Variants in ZNRF3 observed in about 807,000 individuals in gnomAD.
The protein encoded by ZNRF3 is E3 ubiquitin-protein ligase ZNRF3.
In ZNRF3, 23 loss-of-function variants were observed where a neutral mutation model predicts 72.5. That is an observed-to-expected ratio of 0.32 (90% CI 0.23 to 0.45). The LOEUF (loss-of-function observed/expected upper bound fraction) is 0.45. ZNRF3 is among the 20% of genes least tolerant of loss of function. The pLI is 1.00. For synonymous variants in ZNRF3, 610 were observed against 545.3 expected (o/e 1.12, Z -1.65); for missense variants, 1,169 against 1,272.1 (o/e 0.92, Z 1.23).
At chr22:28,996,325 T>C (rs1439054949) in intron 2 of ZNRF3, among the ~76,000 whole-genome samples, 2 of 152,252 alleles carry the variant, frequency 1.3e-5, no homozygotes, top group South Asian at 2.1e-4. Context: ...AGGGACATCA[T>C]TGTGTGTAGT....
At position 28,958,657 on chromosome 22, in the gene ZNRF3, A is replaced by G. The variant is rs183127898; in HGVS notation, c.301-28419A>G. On this transcript the variant is annotated intron_variant, in intron 1 of 8. Transcript: ENST00000544604. ...TTGCCACTGACGGAGAGAGGGTATA[A>G]GAGTGGCCCTTTTGGAGTACAGAGG... Among the ~76,000 whole-genome samples the G allele has an allele frequency of 2.1e-3, 322 of 152,270 alleles. 2 individuals carry two copies. The highest frequency in any genetic ancestry group is 7.4e-3 in the African/African-American group (308 of 41,556).
At chr22:28,899,753 G>A (rs2034069924) in intron 1 of ZNRF3, among the ~76,000 whole-genome samples, 1 of 139,758 alleles carries the variant, frequency 7.2e-6, no homozygotes, top group South Asian at 2.3e-4. Context: ...GCAGTGGTAT[G>A]ATCTTGGCTC....
chr22:28,991,516 A>AG (rs1439904996), intron 2 of ZNRF3, among the ~76,000 whole-genome samples: 4 of 151,992 alleles, frequency 2.6e-5, no homozygotes, highest in Admixed American at 2.6e-4. Flanking sequence ...GTGTCATTGT[A>AG]GTGGGGGCTC....
chr22:28,884,086 G>GT lies in ZNRF3; in HGVS notation c.300+20_300+21insT. 8.7e-7 allele frequency: 1 copy of GT among 1,144,538 alleles called. No individual in the cohort carries two copies. The highest frequency in any genetic ancestry group is 4.0e-5 in the Admixed American group (1 of 25,042). 70.9% of individuals were successfully genotyped at this position (1,144,538 alleles called of 1,614,324 possible). On this transcript the variant is annotated intron_variant, in intron 1 of 8. Transcript: ENST00000544604. ...GTGCAGGTAGCTGCCCGCCGCCCGG[G>GT]CCCCGCGCCGCCTCCGCCACAAGAT... is the stretch of plus-strand genomic sequence containing the variant.
intron 1 of ZNRF3, among the ~76,000 whole-genome samples, chr22:28,908,133 C>A (rs1006376386): frequency 6.6e-6 from 1 of 152,226 alleles, no homozygotes; most frequent in East Asian, 1.9e-4. Context: ...CACATTAAAA[C>A]TAGCTTCTGT....
intron 1 of ZNRF3, among the ~76,000 whole-genome samples, chr22:28,894,714 CAGTT>C (rs1394091333): frequency 4.6e-5 from 7 of 152,144 alleles, no homozygotes; most frequent in African/African-American, 1.2e-4. Flanking sequence ...GTGACACTGT[CAGTT>C]GGTGGTGGGC....
At chr22:28,917,315 A>C in intron 1 of ZNRF3, 3 of 373,220 alleles carry the variant, frequency 8.0e-6, no homozygotes, top group Non-Finnish European at 1.1e-5. Context: ...GACACTAGGT[A>C]TGTGTGCTCT....
At chr22:29,031,212 G>A (rs12485244) in intron 2 of ZNRF3, 64,719 of 152,072 alleles carry the variant, frequency 0.43, 14,283 homozygotes, top group Non-Finnish European at 0.48. Context: ...AAAGAAACCA[G>A]ATATTTTTTT....
At chr22:29,017,267 C>G (rs921224800) in intron 2 of ZNRF3, among the ~76,000 whole-genome samples, 1 of 152,202 alleles carries the variant, frequency 6.6e-6, no homozygotes, top group African/African-American at 2.4e-5. Flanking sequence ...TCCCATTTCT[C>G]CTGGTAAAGG....
chr22:29,011,660 C>T (rs1191024297), intron 2 of ZNRF3, among the ~76,000 whole-genome samples: 1 of 152,204 alleles, frequency 6.6e-6, no homozygotes, highest in Non-Finnish European at 1.5e-5. Flanking sequence ...AAACAATATG[C>T]AGGCAGCTCT....
At chr22:28,897,461 C>G (rs1166867248) in intron 1 of ZNRF3, among the ~76,000 whole-genome samples, 1 of 152,228 alleles carries the variant, frequency 6.6e-6, no homozygotes, top group Non-Finnish European at 1.5e-5. Context: ...GCTGGGACCA[C>G]AGAAATGCGC....
chr22:29,019,088 A>T (rs1271160981), intron 2 of ZNRF3, among the ~76,000 whole-genome samples: 1 of 151,852 alleles, frequency 6.6e-6, no homozygotes, highest in Non-Finnish European at 1.5e-5. Flanking sequence ...CAGGCTTCTT[A>T]CATGATAGTT....
intron 2 of ZNRF3, among the ~76,000 whole-genome samples, chr22:29,004,982 G>C (rs904924555): frequency 9.2e-5 from 14 of 152,238 alleles, no homozygotes; most frequent in African/African-American, 4.8e-5. Context: ...CTGCCAGCCA[G>C]GGACTGCCTG....
chr22:28,912,662 C>CTTTTTT (rs138371253), intron 1 of ZNRF3, among the ~76,000 whole-genome samples: 1 of 119,546 alleles, frequency 8.4e-6, no homozygotes, highest in African/African-American at 2.9e-5. Flanking sequence ...TCTTTTCTTT[C>CTTTTTT]TTTTTTTTTT....
intron 1 of ZNRF3, among the ~76,000 whole-genome samples, chr22:28,968,757 A>C (rs954167280): frequency 2.0e-5 from 3 of 152,192 alleles, no homozygotes; most frequent in African/African-American, 4.8e-5. Flanking sequence ...ATTTAATCTC[A>C]AATAAATTAA....
Position 29,039,548 on chromosome 22 carries a change from C to G in ZNRF3, c.427-2947C>G, listed in dbSNP as rs117809035. Among the ~76,000 whole-genome samples, 630 of 152,036 alleles carry G rather than the reference C, an allele frequency of 4.1e-3. 8 individuals carry two copies. In the East Asian group the frequency reaches 0.045, roughly 11 times the overall value. On this transcript the variant is annotated intron_variant, in intron 2 of 8. Transcript: ENST00000544604. Reference sequence around the variant, plus strand: ...TCTGGAGAAGGAATTTATGAAAAAGCCTAGGATACCACCTAAGCGGAAAAC... The same window carrying G: ...TCTGGAGAAGGAATTTATGAAAAAGGCTAGGATACCACCTAAGCGGAAAAC...
intron 1 of ZNRF3, among the ~76,000 whole-genome samples, chr22:28,969,068 C>T (rs5762921): frequency 1.3e-5 from 2 of 152,344 alleles, no homozygotes; most frequent in East Asian, 3.9e-4. Flanking sequence ...TTCGTAACAT[C>T]CTAGGCTTCA....
At chr22:29,026,956 A>T (rs930106297) in intron 2 of ZNRF3, 1 of 152,340 alleles carries the variant, frequency 6.6e-6, no homozygotes, top group South Asian at 2.1e-4. Context: ...GTAGAGTAGC[A>T]TAAGTGGGTT....
chr22:28,955,965 C>A (rs186255994), intron 1 of ZNRF3, among the ~76,000 whole-genome samples: 11 of 152,238 alleles, frequency 7.2e-5, no homozygotes, highest in Non-Finnish European at 1.5e-4. Context: ...GCCTCACTAA[C>A]ATCCTGTTGA....
Sources: gnomAD v4.1 joint callset for allele counts (sites outside exome capture counted in the v4.1 genomes callset) on GRCh38, gnomAD v4.1.1 for gene constraint, MANE v1.5 for transcripts, NCBI Gene and HGNC (gene_info 2026-07-23, HGNC 2026-07-21) for gene names.